CDH15: variants seen among roughly 807,000 people sequenced by gnomAD.
The protein encoded by CDH15 is cadherin-15.
CDH15 carries 73 observed loss-of-function variants against 69.4 expected under a neutral mutation model. The observed-to-expected ratio is 1.05, with a 90% CI of 0.87 to 1.28. The LOEUF (loss-of-function observed/expected upper bound fraction) is 1.28, where lower values mean the gene tolerates loss of function less well. Among genes scored for constraint, CDH15 ranks in the 50% most tolerant of loss-of-function variants. The pLI is 0.00. For synonymous variants in CDH15, 624 were observed against 507.7 expected (o/e 1.23, Z -3.08); for missense variants, 1,343 against 1,133.6 (o/e 1.18, Z -2.65).
intron 1 of CDH15, among the ~76,000 whole-genome samples, chr16:89,178,184 T>A (rs1915298073): frequency 6.6e-6 from 1 of 152,214 alleles, no homozygotes. Flanking sequence ...CAAAAGTTGC[T>A]GACCGTCAGG....
At chr16:89,183,371 C>T in intron 3 of CDH15, 177 bp from the exon 4 acceptor site, 1 of 689,390 alleles carries the variant, frequency 1.5e-6, no homozygotes, top group Non-Finnish European at 2.4e-6. Flanking sequence ...GGCTCCCGTT[C>T]AGGGACGTCC....
In CDH15 at chr16:89,194,031, G is replaced by A. The variant is rs557635740; in HGVS notation, c.2151+118G>A. On this transcript the variant is annotated intron_variant, in intron 13 of 13. Transcript: ENST00000289746. ...CGGCGCCTGCATGCACTTATGGGCC[G>A]TCCCAGAGCACCGCAGAGGAAGATG... The A allele has an allele frequency of 3.1e-5, 36 of 1,159,294 alleles. No individual in the cohort carries two copies. In the African/African-American group the frequency reaches 4.0e-4, roughly 13 times the overall value. The allele number at this position is 1,159,294 out of a possible 1,614,324, so 71.8% of individuals were successfully genotyped here.
intron 10 of CDH15, 126 bp downstream of exon 10, chr16:89,192,020 C>T: frequency 8.6e-7 from 1 of 1,159,048 alleles, no homozygotes; most frequent in Non-Finnish European, 1.2e-6. Flanking sequence ...GGTCCCCTCC[C>T]GCCACCCCCC....
intron 4 of CDH15, among the ~76,000 whole-genome samples, chr16:89,184,805 C>G (rs1915447290): frequency 6.6e-6 from 1 of 152,228 alleles, no homozygotes; most frequent in Non-Finnish European, 1.5e-5. Flanking sequence ...CTAGCCCAAT[C>G]TGACCCAGCG....
rs750136556 is a variant in CDH15 at position 89,179,566 on chromosome 16, C to G, written c.193C>G (p.Leu65Val). Residue 65 changes from leucine (L) to valine (V), a missense_variant, in exon 2 of 14, where the codon CTG (leucine) becomes GTG (valine). By Grantham distance (32) the Leu-to-Val change is conservative (BLOSUM62 1). Coordinates refer to ENST00000289746, the MANE Select transcript of CDH15 (RefSeq NM_004933.3). ...GAACCACAAGCGTCTCCCCTACCCC[C>G]TGGTTCAGGTGAGCAGGTGGAGGGG... ...SENHKRLPYP[L>V]VQIKSDKQQL... is the part of the protein sequence containing the mutation. 68 of 1,590,094 alleles carry G rather than the reference C, an allele frequency of 4.3e-5. No homozygotes were observed. The highest frequency in any genetic ancestry group is 5.7e-5 in the Non-Finnish European group (67 of 1,166,098).
Position 89,188,093 on chromosome 16 carries a change from C to T in CDH15, c.793-7C>T. 1.2e-6 allele frequency: 2 copies of T among 1,607,454 alleles called. No individual in the cohort carries two copies. Among genetic ancestry groups the T allele is most frequent in the Non-Finnish European group, 1.7e-6 (2 of 1,177,486 alleles). On this transcript the variant is annotated splice_polypyrimidine_tract_variant and splice_region_variant and intron_variant, in intron 6 of 13. Transcript: ENST00000289746. ...GCTGGTAACTGGGGCTGGGATCCCC[C>T]ACCCAGTTCTTCATGGAGGCCATAG...
At chr16:89,185,360 A>G in intron 5 of CDH15, 27 bp downstream of exon 5, 4 of 1,573,696 alleles carry the variant, frequency 2.5e-6, no homozygotes, top group Non-Finnish European at 1.7e-6. Flanking sequence ...GCAGCTCCAC[A>G]CCCGCACGGC....
intron 12 of CDH15, 44 bp from the exon 13 acceptor site, chr16:89,193,711 C>T: frequency 5.7e-6 from 9 of 1,587,920 alleles, no homozygotes; most frequent in Non-Finnish European, 7.7e-6. Flanking sequence ...TCCACCAGGG[C>T]CACCCGAGGG....
chr16:89,181,960 AGAAGAAGAGGAG>A (rs1212047786), intron 3 of CDH15, among the ~76,000 whole-genome samples: 1 of 151,206 alleles, frequency 6.6e-6, no homozygotes, highest in Non-Finnish European at 1.5e-5. Context: ...AGAAGAAGAA[AGAAGAAGAGGAG>A]GAGGAAGAGG....
chr16:89,190,004 C>T (rs935460010), intron 7 of CDH15, among the ~76,000 whole-genome samples: 1 of 152,256 alleles, frequency 6.6e-6, no homozygotes, highest in East Asian at 1.9e-4. Flanking sequence ...CTGAAATACC[C>T]GCGGAGTATG....
At chr16:89,179,359 G>A (rs902263338) in intron 1 of CDH15, 57 bp from the exon 2 acceptor site, 14 of 1,602,840 alleles carry the variant, frequency 8.7e-6, no homozygotes, top group East Asian at 2.2e-5. Context: ...CCAGCTGCAC[G>A]CTGCCGCCCA....
Position 89,180,278 on chromosome 16 carries a change from G to T in CDH15, c.280G>T (p.Val94Phe), listed in dbSNP as rs369126978. The T allele has an allele frequency of 6.2e-7, 1 of 1,610,624 alleles. No homozygotes were observed. The highest frequency in any genetic ancestry group is 8.5e-7 in the Non-Finnish European group (1 of 1,178,738). Residue 94 changes from valine (V) to phenylalanine (F), a missense_variant, in exon 3 of 14, where the codon GTC (valine) becomes TTC (phenylalanine). Coordinates refer to ENST00000289746, the MANE Select transcript of CDH15 (RefSeq NM_004933.3). ...CGGCGTGGATGAGGAGCCCCGGGGC[G>T]TCTTCTCTATCGACAAGTTCACAGG... ...GPGVDEEPRG[V>F]FSIDKFTGKV...
At chr16:89,186,481 A>C (rs1424810412) in intron 5 of CDH15, among the ~76,000 whole-genome samples, 3 of 138,994 alleles carry the variant, frequency 2.2e-5, no homozygotes, top group East Asian at 2.2e-4. Flanking sequence ...AGGCCCACCC[A>C]GCGCACAGTA....
Position 89,192,239 on chromosome 16 carries a change from C to T in CDH15, c.1650C>T (p.Val550=). The T allele has an allele frequency of 6.5e-7, 1 of 1,529,678 alleles. No homozygotes were observed. The highest frequency in any genetic ancestry group is 8.7e-7 in the Non-Finnish European group (1 of 1,144,760). 94.8% of individuals were successfully genotyped at this position (1,529,678 alleles called of 1,614,324 possible). ...SHARLRPRHQ[V]PEGLHRLSLL... ...CGCGCCTGCGGCCGCGACACCAGGT[C>T]CCCGAAGGCCTGCACCGCCTCAGCC... The change falls in exon 11 of 14, where the codon GTC becomes GTT. Residue 550 remains valine (V), a synonymous_variant. Transcript: ENST00000289746.
Position 89,186,988 on chromosome 16 carries a change from C to T in CDH15, c.664-441C>T, listed in dbSNP as rs565413685. 6.9e-4 allele frequency among the ~76,000 whole-genome samples: 102 copies of T among 147,674 alleles called. No homozygotes were observed. The East Asian group carries it at 0.015, about 22-fold the overall frequency. On this transcript the variant is annotated intron_variant, in intron 5 of 13. Transcript: ENST00000289746. The stretch of plus-strand genomic sequence containing the variant: ...CAGCACACAGTAGGTGCTCTGTAAA[C>T]GCTTACCCAGCGCACAGTAGGTGCT...
intron 11 of CDH15, among the ~76,000 whole-genome samples, chr16:89,193,179 C>A (rs534941668): frequency 3.7e-4 from 36 of 96,642 alleles, no homozygotes; most frequent in African/African-American, 1.5e-3. Flanking sequence ...CCCCTGCTCG[C>A]AAACCCCGCC....
chr16:89,183,942 G>T (rs1915429746), intron 4 of CDH15, among the ~76,000 whole-genome samples: 1 of 152,084 alleles, frequency 6.6e-6, no homozygotes, highest in Admixed American at 6.5e-5. Context: ...AAAAGCAAAT[G>T]ACTTCTCCCT....
chr16:89,179,368 C>CA, intron 1 of CDH15, 48 bp from the exon 2 acceptor site: 6 of 1,609,298 alleles, frequency 3.7e-6, no homozygotes, highest in Non-Finnish European at 5.1e-6. Flanking sequence ...CGCTGCCGCC[C>CA]AGGGCTCCAG....
intron 13 of CDH15, among the ~76,000 whole-genome samples, chr16:89,194,561 A>G (rs569603758): frequency 6.3e-4 from 96 of 152,106 alleles, no homozygotes; most frequent in African/African-American, 2.3e-3. Context: ...CACGGGGAGG[A>G]AGAGACCAGG....
Sources: allele counts gnomAD v4.1 joint callset (sites outside exome capture counted in the v4.1 genomes callset), GRCh38; gene constraint gnomAD v4.1.1; transcripts MANE v1.5; gene names NCBI Gene and HGNC (gene_info 2026-07-23, HGNC 2026-07-21).